The following SPG11 variants were observed in gnomAD, a reference collection of about 807,000 sequenced individuals.
SPG11 encodes the protein SPG11 vesicle trafficking associated, spatacsin, also known as spatacsin.
SPG11 carries 222 observed loss-of-function variants against 274.0 expected under a neutral mutation model. The observed-to-expected ratio is 0.81, with a 90% CI of 0.73 to 0.91. The LOEUF (loss-of-function observed/expected upper bound fraction) is 0.91, where lower values mean the gene tolerates loss of function less well. Ranked by LOEUF, SPG11 falls within the 40% of genes least tolerant of loss-of-function variation. The probability of loss-of-function intolerance (pLI) is 0.00; values close to 1 mark genes in which losing one functional copy is unlikely to be tolerated. For synonymous variants in SPG11, 1,144 were observed against 1,039.7 expected (o/e 1.10, Z -1.93); for missense variants, 3,114 against 2,872.7 (o/e 1.08, Z -1.92).
chr15:44,641,554 T>C (rs1339468546), intron 7 of SPG11, among the ~76,000 whole-genome samples: 2 of 138,618 alleles, frequency 1.4e-5, no homozygotes, highest in South Asian at 4.4e-4. Flanking sequence ...ACTTGAACGG[T>C]TACTTATGAA....
In SPG11 at chr15:44,584,117, A is replaced by C; in HGVS notation, c.5563T>G (p.Leu1855Val). The change falls in exon 30 of 40, where the codon TTA becomes GTA. Residue 1855 changes from leucine (L) to valine (V), a missense_variant. Coordinates refer to ENST00000261866, the MANE Select transcript of SPG11 (RefSeq NM_025137.4). Reference sequence around the variant, plus strand: ...TTGGATGGAAGGCTGTTAAGTTCTAAGTATTTTGATGTGTTCAGAGCAGCC... The same window carrying C: ...TTGGATGGAAGGCTGTTAAGTTCTACGTATTTTGATGTGTTCAGAGCAGCC... ...KLAALNTSKY[L>V]ELNSLPSKET... The C allele has an allele frequency of 6.2e-7, 1 of 1,614,222 alleles. No individual in the cohort carries two copies. The highest frequency in any genetic ancestry group is 8.5e-7 in the Non-Finnish European group (1 of 1,180,030).
intron 20 of SPG11, among the ~76,000 whole-genome samples, chr15:44,603,207 C>A (rs1278140497): frequency 6.6e-6 from 1 of 151,974 alleles, no homozygotes; most frequent in Non-Finnish European, 1.5e-5. Context: ...CACAACTATG[C>A]CTGGCTAATT....
chr15:44,649,001 G>C lies in SPG11; in HGVS notation c.1467C>G (p.Leu489=), dbSNP rs138430209. The change falls in exon 7 of 40, where the codon CTC becomes CTG. Residue 489 remains leucine (L), a synonymous_variant. Transcript: ENST00000261866. ...GAGTCAAACCAAACAAAATCAGAGAGAGTCCATTCTCTATAGGAAAAATAA... is the reference window on the plus strand; with the variant it reads ...GAGTCAAACCAAACAAAATCAGAGACAGTCCATTCTCTATAGGAAAAATAA... ...QLCFVLTENG[L]SLILFGLTQE... The C allele has an allele frequency of 5.6e-6, 9 of 1,612,948 alleles. No homozygotes were observed. The highest frequency in any genetic ancestry group is 3.3e-5 in the South Asian group (3 of 91,052).
chr15:44,639,688 T>G (rs546498199), intron 7 of SPG11, among the ~76,000 whole-genome samples: 1 of 151,356 alleles, frequency 6.6e-6, no homozygotes, highest in African/African-American at 2.4e-5. Context: ...GGTGACAGAG[T>G]GAGACCTGGT....
chr15:44,596,660 CAAAAAAAAAAAAAA>C (rs5812279), intron 24 of SPG11, 110 bp downstream of exon 24: 42 of 271,422 alleles, frequency 1.5e-4, no homozygotes, highest in Middle Eastern at 2.8e-3. Context: ...GTATCCTGGT[CAAAAAAAAAAAAAA>C]AAAAAAAAAA....
intron 30 of SPG11, among the ~76,000 whole-genome samples, chr15:44,578,278 A>G (rs1442678808): frequency 6.2e-5 from 9 of 145,666 alleles, no homozygotes; most frequent in Non-Finnish European, 4.5e-5. Flanking sequence ...TGATCCGCCC[A>G]CCTCGGCCTC....
intron 15 of SPG11, among the ~76,000 whole-genome samples, chr15:44,618,201 T>C (rs1653233549): frequency 6.6e-6 from 1 of 152,088 alleles, no homozygotes; most frequent in Non-Finnish European, 1.5e-5. Context: ...TTTTTCTAGG[T>C]ACCCCTTTTA....
intron 18 of SPG11, among the ~76,000 whole-genome samples, chr15:44,609,794 T>C (rs2083412713): frequency 6.6e-6 from 1 of 150,682 alleles, no homozygotes; most frequent in African/African-American, 2.4e-5. Flanking sequence ...TGCAGTGGTA[T>C]GATCTTGGCT....
At chr15:44,581,855 A>G (rs1048747310) in intron 30 of SPG11, among the ~76,000 whole-genome samples, 2 of 152,170 alleles carry the variant, frequency 1.3e-5, no homozygotes, top group Non-Finnish European at 2.9e-5. Context: ...TATACTGTGG[A>G]AAGTTAAGGA....
chr15:44,578,014 CTTTCCT>C (rs2082577442), intron 30 of SPG11, among the ~76,000 whole-genome samples: 1 of 133,722 alleles, frequency 7.5e-6, no homozygotes, highest in Admixed American at 7.5e-5. Flanking sequence ...GGGGAGCCTT[CTTTCCT>C]TTTTTTTTTT....
chr15:44,577,094 C>A (rs71478335), intron 30 of SPG11, among the ~76,000 whole-genome samples: 2 of 152,168 alleles, frequency 1.3e-5, no homozygotes, highest in African/African-American at 4.8e-5. Flanking sequence ...TCCCAAAGTG[C>A]TGGGATTACA....
chr15:44,573,599 T>C lies in SPG11; in HGVS notation c.6153A>G (p.Glu2051=). ...CCCGTGTCACCTCTTCTGCCACGAG[T>C]TCAGCCACAGTATCTGGCTTAAGGC... ...TQGLKPDTVA[E]LVAEEVTREL... The change falls in exon 32 of 40, where the codon GAA becomes GAG. Residue 2051 remains glutamate (E), a synonymous_variant. Coordinates refer to ENST00000261866, the MANE Select transcript of SPG11 (RefSeq NM_025137.4). The C allele has an allele frequency of 2.5e-6, 4 of 1,614,122 alleles. No individual in the cohort carries two copies. The highest frequency in any genetic ancestry group is 2.5e-6 in the Non-Finnish European group (3 of 1,180,016).
At chr15:44,573,491 A>G (rs1268257673) in intron 32 of SPG11, 56 bp downstream of exon 32, 1 of 1,584,616 alleles carries the variant, frequency 6.3e-7, no homozygotes, top group Non-Finnish European at 8.7e-7. Context: ...AATCCTTAAC[A>G]CTGGGAACTA....
intron 33 of SPG11, among the ~76,000 whole-genome samples, chr15:44,571,086 A>C (rs2082413873): frequency 6.6e-6 from 1 of 152,220 alleles, no homozygotes; most frequent in Admixed American, 6.5e-5. Flanking sequence ...GAGTAGTGAA[A>C]GTCTGACATG....
In SPG11 at chr15:44,651,893, A is replaced by G. The variant is rs770496732; in HGVS notation, c.1054T>C (p.Ser352Pro). The G allele has an allele frequency of 3.1e-6, 5 of 1,612,976 alleles. No homozygotes were observed. Among genetic ancestry groups the G allele is most frequent in the South Asian group, 2.2e-5 (2 of 90,972 alleles). ...LSSLNETIKN[S>P]KLEVSCCAPW... Reference sequence around the variant, plus strand: ...GCACAACAGGAAACCTCCAGTTTGGAGTTCTTTATTGTTTCATTCAATGAT... The same window carrying G: ...GCACAACAGGAAACCTCCAGTTTGGGGTTCTTTATTGTTTCATTCAATGAT... The change falls in exon 6 of 40, where the codon TCC (serine) becomes CCC (proline). Residue 352 changes from serine to proline, a missense_variant. Physicochemically the swap from Ser to Pro is moderately conservative, Grantham distance 74. Transcript: ENST00000261866.
At position 44,589,252 on chromosome 15, in the gene SPG11, C is replaced by T; in HGVS notation, c.4906G>A (p.Gly1636Ser). 1 of 1,613,568 alleles carries T rather than the reference C, an allele frequency of 6.2e-7. No homozygotes were observed. Among genetic ancestry groups the T allele is most frequent in the Non-Finnish European group, 8.5e-7 (1 of 1,179,920 alleles). The change falls in exon 28 of 40, where the codon GGT becomes AGT. Residue 1636 changes from glycine to serine, a missense_variant and splice_region_variant. Transcript: ENST00000261866. ...FVEREHLFSD[G>S]PDVKKLCILC... The stretch of plus-strand genomic sequence containing the variant: ...AACTTAACTGTAAGGATTGTCTTAC[C>T]ATCAGAGAAGAGATGCTCTCTTTCA...
At chr15:44,640,412 A>G (rs1260713443) in intron 7 of SPG11, among the ~76,000 whole-genome samples, 1 of 152,210 alleles carries the variant, frequency 6.6e-6, no homozygotes, top group African/African-American at 2.4e-5. Context: ...TATAAAGATT[A>G]AATATCCTAA....
At chr15:44,628,591 G>A (rs916261393) in intron 10 of SPG11, 78 bp downstream of exon 10, 1 of 1,336,846 alleles carries the variant, frequency 7.5e-7, no homozygotes, top group African/African-American at 1.4e-5. Flanking sequence ...TATAGAGTCT[G>A]AATTCTGTTT....
intron 36 of SPG11, among the ~76,000 whole-genome samples, chr15:44,567,008 C>T (rs1247577847): frequency 6.6e-6 from 1 of 151,900 alleles, no homozygotes; most frequent in Non-Finnish European, 1.5e-5. Context: ...GGGCCACCTA[C>T]CTCAAGATTC....
Sources: gnomAD v4.1 joint callset for allele counts (sites outside exome capture counted in the v4.1 genomes callset) on GRCh38, gnomAD v4.1.1 for gene constraint, MANE v1.5 for transcripts, NCBI Gene and HGNC (gene_info 2026-07-23, HGNC 2026-07-21) for gene names.